Variants in FBXO11 observed in about 807,000 individuals in gnomAD.
FBXO11 encodes the protein F-box protein 11, also known as F-box only protein 11.
FBXO11 carries 13 observed loss-of-function variants against 117.0 expected under a neutral mutation model. The observed-to-expected ratio is 0.11, with a 90% CI of 0.07 to 0.18. The LOEUF (loss-of-function observed/expected upper bound fraction) is 0.18, where lower values mean the gene tolerates loss of function less well. Among genes scored for constraint, FBXO11 ranks in the 10% least tolerant of loss-of-function variants. The probability of loss-of-function intolerance (pLI) is 1.00; values close to 1 mark genes in which losing one functional copy is unlikely to be tolerated. For synonymous variants in FBXO11, 490 were observed against 380.5 expected (o/e 1.29, Z -3.35); for missense variants, 767 against 1,164.4 (o/e 0.66, Z 4.97).
At position 47,820,412 on chromosome 2, in the gene FBXO11, T is replaced by C. The variant is rs764186807; in HGVS notation, c.1747A>G (p.Ile583Val). Reference sequence around the variant, plus strand: ...TCATGAATTTTGTTATGCCGAACAATTGGACAACTGTTTGTCCTAATTTGA... The same window carrying C: ...TCATGAATTTTGTTATGCCGAACAACTGGACAACTGTTTGTCCTAATTTGA... Reference protein sequence around the residue: ...GIQIRTNSCPIVRHNKIHDGQ... With the variant: ...GIQIRTNSCPVVRHNKIHDGQ... Residue 583 changes from isoleucine to valine, a missense_variant, in exon 14 of 23, where the codon ATT becomes GTT. Physicochemically the swap from Ile to Val is conservative, Grantham distance 29 (BLOSUM62 3). Transcript: ENST00000403359. 3.7e-6 allele frequency: 6 copies of C among 1,613,948 alleles called. No homozygotes were observed. Among genetic ancestry groups the C allele is most frequent in the Admixed American group, 1.7e-5 (1 of 60,022 alleles).
rs1450242031 is a variant in FBXO11, at chr2:47,833,087, T to G, written c.935-17A>C. 1 of 1,519,486 alleles carries G rather than the reference T, an allele frequency of 6.6e-7. No individual in the cohort carries two copies. The highest frequency in any genetic ancestry group is 2.3e-5 in the East Asian group (1 of 44,328). 94.1% of individuals were successfully genotyped at this position (1,519,486 alleles called of 1,614,324 possible). On this transcript the variant is annotated splice_polypyrimidine_tract_variant and intron_variant, in intron 7 of 22. Transcript: ENST00000403359. ...TCCCAGGTGCTGTGGAGAAGATATTTTAAAGAATATTACCTTTATTCGATT... is the reference window on the plus strand; with the variant it reads ...TCCCAGGTGCTGTGGAGAAGATATTGTAAAGAATATTACCTTTATTCGATT...
chr2:47,863,922 C>G (rs1297848391), intron 1 of FBXO11, among the ~76,000 whole-genome samples: 4 of 149,112 alleles, frequency 2.7e-5, no homozygotes, highest in Non-Finnish European at 5.9e-5. Context: ...ACCTGGGAGA[C>G]AGAGTGAGAC....
intron 1 of FBXO11, among the ~76,000 whole-genome samples, chr2:47,890,205 G>T (rs1558477238): frequency 6.6e-6 from 1 of 152,002 alleles, no homozygotes; most frequent in East Asian, 1.9e-4. Flanking sequence ...GGTCTTAAAG[G>T]ATCCTCTCAC....
At position 47,906,011 on chromosome 2, in the gene FBXO11, C is replaced by A; in HGVS notation, c.-291G>T. The A allele has an allele frequency of 2.9e-6, 1 of 350,326 alleles. No individual in the cohort carries two copies. The highest frequency in any genetic ancestry group is 5.2e-6 in the Non-Finnish European group (1 of 191,894). 21.7% of individuals were successfully genotyped at this position (350,326 alleles called of 1,614,324 possible). A position where few individuals can be genotyped will look rare whatever the true frequency, so the allele number is the denominator to read the frequency against. Reference sequence around the variant, plus strand: ...CGAGGGACGAAGGCAGAAAGACGGGCAGACCGAGAGAAAGAAAGAAAGGGC... The same window carrying A: ...CGAGGGACGAAGGCAGAAAGACGGGAAGACCGAGAGAAAGAAAGAAAGGGC... On this transcript the variant is annotated 5_prime_UTR_variant, in exon 1 of 23. Coordinates refer to ENST00000403359, the MANE Select transcript of FBXO11 (RefSeq NM_001190274.2).
chr2:47,851,985 A>T (rs1310253554), intron 1 of FBXO11, among the ~76,000 whole-genome samples: 2 of 149,480 alleles, frequency 1.3e-5, no homozygotes, highest in Non-Finnish European at 3.0e-5. Context: ...GTATCAAGCA[A>T]CCAATTTTTT....
At chr2:47,841,418 T>C (rs1373685976) in intron 1 of FBXO11, among the ~76,000 whole-genome samples, 1 of 152,070 alleles carries the variant, frequency 6.6e-6, no homozygotes, top group Non-Finnish European at 1.5e-5. Context: ...TGAGTACCAA[T>C]AGTTTGTAAA....
rs1677974477 is a variant in FBXO11, at chr2:47,899,939, A to G, written c.232+5550T>C. Among the ~76,000 whole-genome samples, 3 of 146,972 alleles carry G rather than the reference A, an allele frequency of 2.0e-5. No homozygotes were observed. In the South Asian group the frequency reaches 7.2e-4, roughly 35 times the overall value. ...TAAACTGGTTATTTTCAAAGTTAAA[A>G]CAAACGGTGGGGGGCGGGGGGACTT... On this transcript the variant is annotated intron_variant, in intron 1 of 22. Transcript: ENST00000403359.
chr2:47,826,753 C>T (rs1671783744), intron 11 of FBXO11, among the ~76,000 whole-genome samples: 1 of 151,970 alleles, frequency 6.6e-6, no homozygotes, highest in Non-Finnish European at 1.5e-5. Context: ...GCTAGTTGTC[C>T]AAATCACCTC....
At chr2:47,846,942 G>C (rs1365586808) in intron 1 of FBXO11, among the ~76,000 whole-genome samples, 2 of 152,124 alleles carry the variant, frequency 1.3e-5, no homozygotes, top group Non-Finnish European at 2.9e-5. Context: ...ATCACTTAAA[G>C]ACAAGAATAC....
chr2:47,824,853 G>C (rs2104750010), intron 11 of FBXO11, among the ~76,000 whole-genome samples: 1 of 152,264 alleles, frequency 6.6e-6, no homozygotes, highest in South Asian at 2.1e-4. Flanking sequence ...TTAGGCCAAA[G>C]ACTAAATGCA....
chr2:47,882,130 C>T (rs550030916), intron 1 of FBXO11, among the ~76,000 whole-genome samples: 21 of 152,318 alleles, frequency 1.4e-4, no homozygotes, highest in African/African-American at 4.6e-4. Flanking sequence ...GAAGTTTATA[C>T]TCTACTATTT....
intron 1 of FBXO11, among the ~76,000 whole-genome samples, chr2:47,872,567 G>A (rs927481644): frequency 1.8e-4 from 27 of 152,290 alleles, no homozygotes; most frequent in South Asian, 4.1e-4. Flanking sequence ...CAGGTGATCC[G>A]CGTGCCTCGG....
chr2:47,905,551 GGCTGCTGCT>G lies in FBXO11; in HGVS notation c.161_169del (p.Gln54_Gln56del), dbSNP rs746953076. ...CGGAGGCGGCGGTGGCGGCGGCGGA[GGCTGCTGCT>G]GCTGCTGCTGCTGCGGCGGCGGCGG... is the stretch of plus-strand genomic sequence containing the variant. On this transcript the variant is annotated inframe_deletion, in exon 1 of 23. Transcript: ENST00000403359. 222 of 1,239,732 alleles carry G rather than the reference GGCTGCTGCT, an allele frequency of 1.8e-4. 1 individual carries two copies. The highest frequency in any genetic ancestry group is 6.1e-4 in the African/African-American group (39 of 63,470). 76.8% of individuals were successfully genotyped at this position (1,239,732 alleles called of 1,614,324 possible).
chr2:47,879,965 T>C (rs1339617880), intron 1 of FBXO11, among the ~76,000 whole-genome samples: 1 of 152,158 alleles, frequency 6.6e-6, no homozygotes, highest in Non-Finnish European at 1.5e-5. Context: ...TATTTCATTG[T>C]ATGTATATAC....
rs574790096 is a variant in FBXO11, at chr2:47,842,028, T to A, written c.233-2259A>T. Among the ~76,000 whole-genome samples the A allele has an allele frequency of 2.7e-5, 4 of 150,918 alleles. No individual in the cohort carries two copies. In the South Asian group the frequency reaches 8.3e-4, roughly 31 times the overall value. On this transcript the variant is annotated intron_variant, in intron 1 of 22. Transcript: ENST00000403359. ...AATATCAGTTTTATTTTTATTTTTT[T>A]TTTTTGAGACAGAGTCTCGCCCTGT...
intron 11 of FBXO11, among the ~76,000 whole-genome samples, chr2:47,831,232 C>G (rs1672160713): frequency 6.6e-6 from 1 of 151,660 alleles, no homozygotes; most frequent in Admixed American, 6.6e-5. Context: ...GCCTGACCAA[C>G]ATGGTGAAAC....
intron 1 of FBXO11, among the ~76,000 whole-genome samples, chr2:47,873,297 A>G (rs1675759275): frequency 6.6e-6 from 1 of 152,208 alleles, no homozygotes; most frequent in African/African-American, 2.4e-5. Context: ...TCTCTCCCAC[A>G]ATAAGCCTCA....
At chr2:47,892,300 T>C (rs1677312464) in intron 1 of FBXO11, among the ~76,000 whole-genome samples, 1 of 152,238 alleles carries the variant, frequency 6.6e-6, no homozygotes, top group Non-Finnish European at 1.5e-5. Context: ...TCTCAAGATA[T>C]TAGTTAACAT....
intron 1 of FBXO11, among the ~76,000 whole-genome samples, chr2:47,874,865 G>A (rs1324081026): frequency 7.6e-6 from 1 of 130,934 alleles, no homozygotes; most frequent in Non-Finnish European, 1.6e-5. Flanking sequence ...ATTGTCTCAG[G>A]ACTTTTTTTT....
Sources: allele counts gnomAD v4.1 joint callset (sites outside exome capture counted in the v4.1 genomes callset), GRCh38; gene constraint gnomAD v4.1.1; transcripts MANE v1.5; gene names NCBI Gene and HGNC (gene_info 2026-07-23, HGNC 2026-07-21).